The following CPQ variants were observed in gnomAD, a reference collection of about 807,000 sequenced individuals.
The protein encoded by CPQ is carboxypeptidase Q, also known as Ser-Met dipeptidase.
CPQ carries 37 observed loss-of-function variants against 45.7 expected under a neutral mutation model. The ratio of observed to expected loss-of-function variants is 0.81; its 90% CI spans 0.62 to 1.07. The LOEUF (loss-of-function observed/expected upper bound fraction) is 1.07. CPQ is among the 50% of genes least tolerant of loss of function. The probability of loss-of-function intolerance (pLI) is 0.00; values close to 1 mark genes in which losing one functional copy is unlikely to be tolerated. For missense variants in CPQ, 537 were observed against 572.9 expected, an observed-to-expected ratio of 0.94 and a Z score of 0.64; for synonymous variants, 186 against 205.8, an observed-to-expected ratio of 0.90 and a Z score of 0.82.
intron 4 of CPQ, 37 bp from the exon 5 acceptor site, chr8:96,965,897 CT>C: frequency 7.5e-7 from 1 of 1,330,752 alleles, no homozygotes; most frequent in Non-Finnish European, 1.0e-6. Flanking sequence ...GTCATTTTTG[CT>C]TAGTTTTATT....
intron 7 of CPQ, among the ~76,000 whole-genome samples, chr8:97,098,748 A>G (rs1586540377): frequency 6.6e-6 from 1 of 152,112 alleles, no homozygotes; most frequent in Admixed American, 6.6e-5. Flanking sequence ...TCCAGTATTG[A>G]GAAAAATTAG....
chr8:96,654,553 G>A (rs1396857616), intron 1 of CPQ, among the ~76,000 whole-genome samples: 3 of 152,118 alleles, frequency 2.0e-5, no homozygotes, highest in Admixed American at 6.5e-5. Context: ...TAATCTAGAG[G>A]ATGATTAGAG....
rs190272779 is a variant in CPQ, at chr8:97,052,986, T to A, written c.1054-13023T>A. Among the ~76,000 whole-genome samples the A allele has an allele frequency of 5.7e-3, 867 of 152,304 alleles. 4 individuals carry two copies. The highest frequency in any genetic ancestry group is 0.014 in the Middle Eastern group (4 of 294). ...GTAGGTTTTCTTGAGAACATTTTTT[T>A]AAAAAGGAAAACAGATTCTGAAAAA... On this transcript the variant is annotated intron_variant, in intron 6 of 7. Transcript: ENST00000220763.
intron 5 of CPQ, among the ~76,000 whole-genome samples, chr8:96,992,062 G>T (rs1313219531): frequency 6.6e-6 from 1 of 152,120 alleles, no homozygotes; most frequent in Non-Finnish European, 1.5e-5. Context: ...TCCCTTGATG[G>T]GTGTGTGGCA....
intron 4 of CPQ, among the ~76,000 whole-genome samples, chr8:96,961,334 T>G (rs2130354911): frequency 6.6e-6 from 1 of 152,358 alleles, no homozygotes; most frequent in East Asian, 1.9e-4. Flanking sequence ...CTTGCTGTCA[T>G]TCATAATTTC....
At chr8:96,657,993 A>T (rs571180948) in intron 1 of CPQ, among the ~76,000 whole-genome samples, 24 of 152,208 alleles carry the variant, frequency 1.6e-4, no homozygotes, top group African/African-American at 2.4e-4. Flanking sequence ...CTGAGGCTGT[A>T]TTTGTTACAT....
chr8:97,068,740 A>G (rs2513346), intron 7 of CPQ, among the ~76,000 whole-genome samples: 87,353 of 152,160 alleles, frequency 0.57, 27,067 homozygotes, highest in Non-Finnish European at 0.7. Flanking sequence ...TATCCATACA[A>G]CCATCCTATG....
intron 1 of CPQ, among the ~76,000 whole-genome samples, chr8:96,699,896 T>A (rs532345949): frequency 3.3e-5 from 5 of 152,176 alleles, no homozygotes; most frequent in African/African-American, 1.2e-4. Context: ...AAAGAAGATG[T>A]GGGGTAGAGA....
intron 2 of CPQ, among the ~76,000 whole-genome samples, chr8:96,829,147 A>G (rs2130844114): frequency 6.6e-6 from 1 of 152,220 alleles, no homozygotes; most frequent in African/African-American, 2.4e-5. Context: ...GTCCTCAGGT[A>G]TCAGTACAGC....
chr8:96,901,329 T>C (rs1232648100), intron 4 of CPQ, among the ~76,000 whole-genome samples: 3 of 152,196 alleles, frequency 2.0e-5, no homozygotes, highest in African/African-American at 7.2e-5. Context: ...TCTTGAGTCC[T>C]TCCCCTCCCT....
At chr8:96,657,894 T>C (rs1563693974) in intron 1 of CPQ, among the ~76,000 whole-genome samples, 1 of 152,262 alleles carries the variant, frequency 6.6e-6, no homozygotes, top group South Asian at 2.1e-4. Context: ...CACGTTTATA[T>C]ACGTATGTCT....
chr8:96,737,287 T>C (rs1484796574), intron 1 of CPQ, among the ~76,000 whole-genome samples: 1 of 147,216 alleles, frequency 6.8e-6, no homozygotes, highest in Non-Finnish European at 1.5e-5. Context: ...TATATGTATA[T>C]ATACACATAC....
At chr8:96,867,475 T>TAA (rs1812010093) in intron 3 of CPQ, among the ~76,000 whole-genome samples, 3 of 152,012 alleles carry the variant, frequency 2.0e-5, no homozygotes, top group Admixed American at 1.3e-4. Flanking sequence ...CAATCAAACT[T>TAA]AACAGCTTTT....
At chr8:96,957,088 G>A (rs1813369884) in intron 4 of CPQ, among the ~76,000 whole-genome samples, 1 of 152,166 alleles carries the variant, frequency 6.6e-6, no homozygotes, top group African/African-American at 2.4e-5. Flanking sequence ...TTATGTTTAA[G>A]CTAGAATTTA....
chr8:96,918,917 GACTTA>G (rs1188388502), intron 4 of CPQ, among the ~76,000 whole-genome samples: 1 of 152,044 alleles, frequency 6.6e-6, no homozygotes, highest in Non-Finnish European at 1.5e-5. Context: ...TCAACCCTAT[GACTTA>G]CCCTGCTTTA....
intron 1 of CPQ, among the ~76,000 whole-genome samples, chr8:96,738,303 T>C (rs903032987): frequency 6.6e-6 from 1 of 152,178 alleles, no homozygotes; most frequent in Non-Finnish European, 1.5e-5. Flanking sequence ...TGAGGAGGTA[T>C]GTTAAAATCT....
intron 5 of CPQ, 107 bp downstream of exon 5, chr8:96,966,153 C>A: frequency 1.4e-6 from 1 of 726,416 alleles, no homozygotes; most frequent in Non-Finnish European, 2.2e-6. Context: ...GTTCAAAGAT[C>A]CTCTTGAGGT....
At chr8:96,854,557 A>ACAAAAAAAAAAAAAACAC (rs538425270) in intron 3 of CPQ, among the ~76,000 whole-genome samples, 1 of 76,866 alleles carries the variant, frequency 1.3e-5, no homozygotes, top group African/African-American at 5.0e-5. Flanking sequence ...AAAAAAAAAA[A>ACAAAAAAAAAAAAAACAC]AATGTGGTGG....
intron 4 of CPQ, among the ~76,000 whole-genome samples, chr8:96,962,478 C>T (rs988945109): frequency 6.6e-6 from 1 of 152,168 alleles, no homozygotes; most frequent in Non-Finnish European, 1.5e-5. Context: ...GCAACAGAGG[C>T]AGTGAAGGGA....
Sources: gnomAD v4.1 joint callset for allele counts (sites outside exome capture counted in the v4.1 genomes callset) on GRCh38, gnomAD v4.1.1 for gene constraint, MANE v1.5 for transcripts, NCBI Gene and HGNC (gene_info 2026-07-23, HGNC 2026-07-21) for gene names.